SDC3: variants seen among roughly 807,000 people sequenced by gnomAD.
SDC3 encodes the protein syndecan-3.
A neutral mutation model predicts 24.4 loss-of-function variants in SDC3; 13 were observed. The ratio of observed to expected loss-of-function variants is 0.53; its 90% CI spans 0.35 to 0.85. The LOEUF is 0.85. Among genes scored for constraint, SDC3 ranks in the 40% least tolerant of loss-of-function variants. SDC3 has a pLI of 0.01. For missense variants in SDC3, 571 were observed against 584.5 expected (o/e 0.98, Z 0.24); for synonymous variants, 295 against 260.9 (o/e 1.13, Z -1.26).
At chr1:30,875,465 C>G (rs144509687) in intron 3 of SDC3, among the ~76,000 whole-genome samples, 1,682 of 152,314 alleles carry the variant, frequency 0.011, 18 homozygotes, top group Non-Finnish European at 0.018. Flanking sequence ...CCTGCTAGAG[C>G]TGGCTGGGGA....
At chr1:30,903,655 A>C (rs1319672573) in intron 1 of SDC3, among the ~76,000 whole-genome samples, 1 of 152,124 alleles carries the variant, frequency 6.6e-6, no homozygotes, top group Non-Finnish European at 1.5e-5. Flanking sequence ...AAGTGAGAAA[A>C]GATATGGGAC....
chr1:30,884,085 C>A (rs1332814495), intron 1 of SDC3, among the ~76,000 whole-genome samples: 1 of 152,130 alleles, frequency 6.6e-6, no homozygotes, highest in African/African-American at 2.4e-5. Flanking sequence ...TGTCTCAGTC[C>A]CCACCCCCAC....
intron 1 of SDC3, among the ~76,000 whole-genome samples, chr1:30,891,588 G>C (rs1639904760): frequency 6.6e-6 from 1 of 152,198 alleles, no homozygotes; most frequent in Non-Finnish European, 1.5e-5. Flanking sequence ...ATTAAGAAGG[G>C]AGGAGGAGGC....
At chr1:30,878,796 G>A in intron 1 of SDC3, 56 bp from the exon 2 acceptor site, 2 of 1,462,660 alleles carry the variant, frequency 1.4e-6, no homozygotes, top group Non-Finnish European at 1.9e-6. Flanking sequence ...CAGCCTGGGT[G>A]AGCCCAGAAG....
At chr1:30,888,993 G>C (rs1242081859) in intron 1 of SDC3, among the ~76,000 whole-genome samples, 1 of 152,218 alleles carries the variant, frequency 6.6e-6, no homozygotes, top group Non-Finnish European at 1.5e-5. Flanking sequence ...GGACACAGTG[G>C]GGTGAGAAAG....
chr1:30,877,405 G>C (rs1384186681), intron 2 of SDC3: 10 of 621,146 alleles, frequency 1.6e-5, no homozygotes, highest in Non-Finnish European at 2.9e-6. Flanking sequence ...CTCCCGGGAA[G>C]CCTTCCTTGA....
At chr1:30,893,315 CCCA>C (rs1439603046) in intron 1 of SDC3, among the ~76,000 whole-genome samples, 57 of 127,032 alleles carry the variant, frequency 4.5e-4, no homozygotes, top group African/African-American at 1.7e-3. Context: ...CCCCCCCCCC[CCCA>C]CCATGTCTCA....
In SDC3 at chr1:30,900,920, C is replaced by T. The variant is rs538102678; in HGVS notation, c.138+7529G>A. 2.6e-5 allele frequency among the ~76,000 whole-genome samples: 4 copies of T among 152,168 alleles called. No individual in the cohort carries two copies. In the South Asian group the frequency reaches 8.3e-4, roughly 32 times the overall value. ...CCCAGGGTGAAGCAGCACCAGACAG[C>T]ACCCTGGAAGCCCATGGCCCATCCA... On this transcript the variant is annotated intron_variant, in intron 1 of 4. Coordinates refer to ENST00000339394, the MANE Select transcript of SDC3 (RefSeq NM_014654.4).
chr1:30,903,710 C>T (rs748642832), intron 1 of SDC3, among the ~76,000 whole-genome samples: 15 of 152,130 alleles, frequency 9.9e-5, no homozygotes, highest in Non-Finnish European at 1.8e-4. Flanking sequence ...CAGGCATTTA[C>T]TAAACAGTAG....
At chr1:30,878,801 C>G in intron 1 of SDC3, 61 bp from the exon 2 acceptor site, 1 of 1,405,758 alleles carries the variant, frequency 7.1e-7, no homozygotes, top group South Asian at 1.2e-5. Flanking sequence ...TGGGTGAGCC[C>G]AGAAGGGCGA....
In SDC3 at chr1:30,908,618, G is replaced by T. The variant is rs1454202667; in HGVS notation, c.-32C>A. ...GGCGCGGGCGCGGGCGGCGGGCGGCGGGCGGGCGCCTTTGTTCCCGAGGCG... is the reference window on the plus strand; with the variant it reads ...GGCGCGGGCGCGGGCGGCGGGCGGCTGGCGGGCGCCTTTGTTCCCGAGGCG... On this transcript the variant is annotated 5_prime_UTR_variant, in exon 1 of 5. Coordinates refer to ENST00000339394, the MANE Select transcript of SDC3 (RefSeq NM_014654.4). 4 of 904,796 alleles carry T rather than the reference G, an allele frequency of 4.4e-6. No homozygotes were observed. In the African/African-American group the frequency reaches 5.5e-5, roughly 13 times the overall value. 56.0% of individuals were successfully genotyped at this position (904,796 alleles called of 1,614,324 possible).
At chr1:30,898,311 C>T (rs1415627100) in intron 1 of SDC3, among the ~76,000 whole-genome samples, 1 of 152,194 alleles carries the variant, frequency 6.6e-6, no homozygotes, top group African/African-American at 2.4e-5. Context: ...CTGTCAAGGC[C>T]TGGTACAAAG....
At chr1:30,892,324 G>A (rs1256779770) in intron 1 of SDC3, among the ~76,000 whole-genome samples, 3 of 152,122 alleles carry the variant, frequency 2.0e-5, no homozygotes, top group Admixed American at 6.5e-5. Flanking sequence ...GGCAGGATCA[G>A]AAGCCCAGCT....
At chr1:30,890,175 T>C (rs1639884924) in intron 1 of SDC3, among the ~76,000 whole-genome samples, 1 of 152,116 alleles carries the variant, frequency 6.6e-6, no homozygotes, top group Non-Finnish European at 1.5e-5. Context: ...CAAGGTGTGG[T>C]GGCACGTGCC....
Position 30,908,447 on chromosome 1 carries a change from A to G in SDC3, c.138+2T>C. ...GCGGGGATCCGGGCGCGTGTCACTC[A>G]CCCCCGCGGCGCGCCCCGCCAGCAG... On this transcript the variant is annotated splice_donor_variant, in intron 1 of 4. Coordinates refer to ENST00000339394, the MANE Select transcript of SDC3 (RefSeq NM_014654.4). LOFTEE classifies it high-confidence loss of function. 1 of 1,029,390 alleles carries G rather than the reference A, an allele frequency of 9.7e-7. No homozygotes were observed. The highest frequency in any genetic ancestry group is 3.3e-5 in the South Asian group (1 of 30,712). The allele number at this position is 1,029,390 out of a possible 1,614,324, so 63.8% of individuals were successfully genotyped here. A position where few individuals can be genotyped will look rare whatever the true frequency, so the allele number is the denominator to read the frequency against.
At chr1:30,891,543 C>G (rs1206812246) in intron 1 of SDC3, among the ~76,000 whole-genome samples, 1 of 152,214 alleles carries the variant, frequency 6.6e-6, no homozygotes, top group Non-Finnish European at 1.5e-5. Context: ...GCCTCAACAC[C>G]TTGGCTTTGC....
chr1:30,881,908 C>T (rs1003924356), intron 1 of SDC3, among the ~76,000 whole-genome samples: 5 of 152,212 alleles, frequency 3.3e-5, no homozygotes, highest in Admixed American at 3.3e-4. Context: ...ATTCATACAT[C>T]TGTGCCCCGC....
chr1:30,876,658 C>T lies in SDC3; in HGVS notation c.764G>A (p.Arg255Gln), dbSNP rs377512741. The T allele has an allele frequency of 8.1e-6, 13 of 1,596,978 alleles. No individual in the cohort carries two copies. The highest frequency in any genetic ancestry group is 2.7e-5 in the African/African-American group (2 of 74,428). ...GGCCGGCCTGGGAAGGGCTCTTGGCCGGGAGGTAGCTGTGCTGACCAGCCT... is the reference window on the plus strand; with the variant it reads ...GGCCGGCCTGGGAAGGGCTCTTGGCTGGGAGGTAGCTGTGCTGACCAGCCT... ...TPRLVSTATS[R>Q]PRALPRPATT... The change falls in exon 3 of 5, where the codon CGG becomes CAG. Residue 255 changes from arginine to glutamine, a missense_variant. By Grantham distance (43) the Arg-to-Gln change is conservative. Transcript: ENST00000339394.
chr1:30,875,793 C>T (rs12047581), intron 3 of SDC3, among the ~76,000 whole-genome samples: 8,210 of 152,274 alleles, frequency 0.054, 999 homozygotes, highest in East Asian at 0.53. Flanking sequence ...TGACTGTCAT[C>T]GCTGGCTGCG....
Sources: allele counts gnomAD v4.1 joint callset (sites outside exome capture counted in the v4.1 genomes callset), GRCh38; gene constraint gnomAD v4.1.1; transcripts MANE v1.5; gene names NCBI Gene and HGNC (gene_info 2026-07-23, HGNC 2026-07-21).